The following CACNB4 variants were observed in gnomAD, a reference collection of about 807,000 sequenced individuals.
CACNB4 encodes the protein voltage-dependent L-type calcium channel subunit beta-4.
In CACNB4, 32 loss-of-function variants were observed where a neutral mutation model predicts 71.2. That is an observed-to-expected ratio of 0.45 (90% CI 0.34 to 0.60). CACNB4 has a LOEUF of 0.60. Among genes scored for constraint, CACNB4 ranks in the 20% least tolerant of loss-of-function variants. The probability of loss-of-function intolerance (pLI) is 0.01; values close to 1 mark genes in which losing one functional copy is unlikely to be tolerated. For synonymous variants in CACNB4, 231 were observed against 236.9 expected (o/e 0.97, Z 0.23); for missense variants, 464 against 647.9 (o/e 0.72, Z 3.08).
chr2:152,007,574 T>C (rs1682800054), intron 2 of CACNB4, among the ~76,000 whole-genome samples: 1 of 152,242 alleles, frequency 6.6e-6, no homozygotes, highest in African/African-American at 2.4e-5. Flanking sequence ...GGCTGGATAG[T>C]ATTCTGTTGT....
intron 8 of CACNB4, chr2:151,870,117 A>G (rs917664662): frequency 3.3e-6 from 2 of 607,238 alleles, no homozygotes; most frequent in Non-Finnish European, 5.8e-6. Flanking sequence ...AAAACCCAGC[A>G]GGGTGAACTC....
chr2:151,855,273 T>G lies in CACNB4; in HGVS notation c.971A>C (p.Lys324Thr). ...AACAATAATTGGTGCTAAGGAAGTCTTTATAAGTTGTGCTGGGTGATTGAT... is the reference window on the plus strand; with the variant it reads ...AACAATAATTGGTGCTAAGGAAGTCGTTATAAGTTGTGCTGGGTGATTGAT... ...DTINHPAQLI[K>T]TSLAPIIVHV... Residue 324 changes from lysine to threonine, a missense_variant, in exon 11 of 14, where the codon AAG (lysine) becomes ACG (threonine). Physicochemically the swap from Lys to Thr is moderately conservative, Grantham distance 78. Transcript: ENST00000539935. 6.3e-7 allele frequency: 1 copy of G among 1,585,188 alleles called. No individual in the cohort carries two copies. Among genetic ancestry groups the G allele is most frequent in the Non-Finnish European group, 8.6e-7 (1 of 1,157,766 alleles).
At chr2:151,939,320 C>G (rs575140301) in intron 2 of CACNB4, among the ~76,000 whole-genome samples, 3 of 152,118 alleles carry the variant, frequency 2.0e-5, no homozygotes. Flanking sequence ...GAGAATAAAG[C>G]GCCCTTGAAA....
At chr2:152,022,404 G>A (rs946901515) in intron 2 of CACNB4, among the ~76,000 whole-genome samples, 4 of 152,216 alleles carry the variant, frequency 2.6e-5, no homozygotes, top group African/African-American at 9.6e-5. Flanking sequence ...AAAGCGAAGT[G>A]CTTCAGAGTG....
chr2:152,053,810 C>T (rs1399366828), intron 2 of CACNB4, among the ~76,000 whole-genome samples: 1 of 152,120 alleles, frequency 6.6e-6, no homozygotes, highest in African/African-American at 2.4e-5. Flanking sequence ...CAGGCATGAG[C>T]CATCACACCT....
intron 2 of CACNB4, among the ~76,000 whole-genome samples, chr2:152,059,103 C>T (rs982335206): frequency 6.6e-6 from 1 of 152,252 alleles, no homozygotes; most frequent in African/African-American, 2.4e-5. Flanking sequence ...GATGTCCAGG[C>T]ACTTGTGTGC....
At chr2:152,050,165 C>A (rs1487032617) in intron 2 of CACNB4, among the ~76,000 whole-genome samples, 1 of 152,230 alleles carries the variant, frequency 6.6e-6, no homozygotes, top group African/African-American at 2.4e-5. Context: ...ACATAGTGTG[C>A]TGGGCCCGCT....
intron 2 of CACNB4, among the ~76,000 whole-genome samples, chr2:152,004,479 C>T (rs144905577): frequency 6.6e-5 from 10 of 152,072 alleles, no homozygotes; most frequent in African/African-American, 2.2e-4. Context: ...AGAGCAGGTC[C>T]TGAGTTATTC....
chr2:152,020,230 A>G (rs971347688), intron 2 of CACNB4, among the ~76,000 whole-genome samples: 1 of 152,208 alleles, frequency 6.6e-6, no homozygotes, highest in Non-Finnish European at 1.5e-5. Context: ...TTTAATTGAA[A>G]GAGGCTATCA....
chr2:152,076,319 T>G (rs1168105776), intron 2 of CACNB4, among the ~76,000 whole-genome samples: 10 of 33,644 alleles, frequency 3.0e-4, no homozygotes, highest in African/African-American at 1.2e-3. Context: ...TTTTTTGGGT[T>G]TTTTTTTTTT....
intron 2 of CACNB4, among the ~76,000 whole-genome samples, chr2:151,888,841 T>C (rs1011910384): frequency 3.3e-5 from 5 of 152,124 alleles, no homozygotes; most frequent in Admixed American, 6.6e-5. Context: ...ATGTACAACA[T>C]AGTGTACAAG....
At chr2:151,933,465 C>A (rs978083389) in intron 2 of CACNB4, among the ~76,000 whole-genome samples, 1 of 152,030 alleles carries the variant, frequency 6.6e-6, no homozygotes, top group Non-Finnish European at 1.5e-5. Flanking sequence ...TCACCACAAC[C>A]TTTGAGGGTG....
At chr2:151,902,536 A>G (rs1283126561) in intron 2 of CACNB4, among the ~76,000 whole-genome samples, 1 of 152,226 alleles carries the variant, frequency 6.6e-6, no homozygotes, top group Non-Finnish European at 1.5e-5. Flanking sequence ...TTCATTATGG[A>G]TAATAAAAAT....
At chr2:151,894,340 A>G (rs936538670) in intron 2 of CACNB4, among the ~76,000 whole-genome samples, 4 of 152,226 alleles carry the variant, frequency 2.6e-5, no homozygotes, top group Non-Finnish European at 4.4e-5. Flanking sequence ...CAAAAGCCAT[A>G]TGATCATTTC....
chr2:152,009,995 C>G (rs1324955225), intron 2 of CACNB4, among the ~76,000 whole-genome samples: 1 of 152,240 alleles, frequency 6.6e-6, no homozygotes, highest in African/African-American at 2.4e-5. Context: ...TAAGTTATAT[C>G]TGTTCTTAAA....
chr2:152,029,507 A>AAAAAAAAAG (rs1553815872), intron 2 of CACNB4, among the ~76,000 whole-genome samples: 1 of 104,766 alleles, frequency 9.5e-6, no homozygotes, highest in African/African-American at 4.0e-5. Flanking sequence ...AAAAAAAAAA[A>AAAAAAAAAG]AAAAGAAAAG....
At chr2:151,934,076 T>C (rs2099862321) in intron 2 of CACNB4, among the ~76,000 whole-genome samples, 1 of 152,060 alleles carries the variant, frequency 6.6e-6, no homozygotes, top group Admixed American at 6.5e-5. Flanking sequence ...AGAAAAGTTT[T>C]CCGGCCCTGA....
chr2:152,006,057 A>G (rs1187973888), intron 2 of CACNB4, among the ~76,000 whole-genome samples: 1 of 152,198 alleles, frequency 6.6e-6, no homozygotes, highest in Non-Finnish European at 1.5e-5. Context: ...TTTTACCCAT[A>G]ATCTTCTAGT....
chr2:151,956,147 G>T (rs1009161692), intron 2 of CACNB4, among the ~76,000 whole-genome samples: 1 of 152,160 alleles, frequency 6.6e-6, no homozygotes, highest in Non-Finnish European at 1.5e-5. Flanking sequence ...TTGTATCTTC[G>T]ATATACTTGT....
Sources: gnomAD v4.1 joint callset for allele counts (sites outside exome capture counted in the v4.1 genomes callset) on GRCh38, gnomAD v4.1.1 for gene constraint, MANE v1.5 for transcripts, NCBI Gene and HGNC (gene_info 2026-07-23, HGNC 2026-07-21) for gene names.